The following CDYL2 variants were observed in gnomAD, a reference collection of about 807,000 sequenced individuals.
CDYL2 encodes chromodomain Y like 2, also known as chromodomain Y-like protein 2.
CDYL2 carries 23 observed loss-of-function variants against 49.4 expected under a neutral mutation model. The ratio of observed to expected loss-of-function variants is 0.47; its 90% CI spans 0.34 to 0.66. The LOEUF (loss-of-function observed/expected upper bound fraction) is 0.66. Ranked by LOEUF, CDYL2 falls within the 30% of genes least tolerant of loss-of-function variation. The pLI is 0.01. For missense variants in CDYL2, 678 were observed against 656.4 expected, an observed-to-expected ratio of 1.03 and a Z score of -0.36; for synonymous variants, 360 against 268.8, an observed-to-expected ratio of 1.34 and a Z score of -3.32.
Position 80,678,686 on chromosome 16 carries a change from T to C in CDYL2, c.616+5852A>G, listed in dbSNP as rs1909852481. Among the ~76,000 whole-genome samples, 10 of 149,454 alleles carry C rather than the reference T, an allele frequency of 6.7e-5. No homozygotes were observed. The South Asian group carries it at 2.2e-3, about 32-fold the overall frequency. ...GTGGGACTGTAAAGTAGTTCAACCA[T>C]TGTGGAAGTCAGTGTGGCGATTCCT... On this transcript the variant is annotated intron_variant, in intron 2 of 6. Transcript: ENST00000570137.
At chr16:80,699,941 C>A (rs538746469) in intron 1 of CDYL2, among the ~76,000 whole-genome samples, 2 of 151,830 alleles carry the variant, frequency 1.3e-5, no homozygotes, top group African/African-American at 4.8e-5. Flanking sequence ...GATCTCCGCT[C>A]ACCGCAAGCC....
At chr16:80,769,275 G>C (rs1288576994) in intron 1 of CDYL2, among the ~76,000 whole-genome samples, 3 of 152,152 alleles carry the variant, frequency 2.0e-5, no homozygotes, top group Non-Finnish European at 4.4e-5. Flanking sequence ...TGAGAGGATG[G>C]CTCAAAAGGC....
chr16:80,617,717 G>C (rs895610482), intron 4 of CDYL2, among the ~76,000 whole-genome samples: 2 of 152,082 alleles, frequency 1.3e-5, no homozygotes, highest in Admixed American at 6.5e-5. Flanking sequence ...ATCCATCTTC[G>C]CTCATCGTCC....
chr16:80,797,427 G>T (rs574917385), intron 1 of CDYL2, among the ~76,000 whole-genome samples: 1 of 152,326 alleles, frequency 6.6e-6, no homozygotes, highest in African/African-American at 2.4e-5. Context: ...GGAAACTGCA[G>T]CTGAAAATTA....
chr16:80,745,702 G>T (rs1905904813), intron 1 of CDYL2, among the ~76,000 whole-genome samples: 1 of 152,148 alleles, frequency 6.6e-6, no homozygotes, highest in African/African-American at 2.4e-5. Flanking sequence ...GGTGATTTCT[G>T]CCCTAGATTT....
intron 1 of CDYL2, among the ~76,000 whole-genome samples, chr16:80,708,029 G>C (rs76158528): frequency 0.035 from 5,333 of 152,274 alleles, 124 homozygotes; most frequent in East Asian, 0.097. Context: ...ACACTCTTTA[G>C]GGGTGGGGCA....
At chr16:80,760,220 C>T (rs185079781) in intron 1 of CDYL2, among the ~76,000 whole-genome samples, 2 of 152,286 alleles carry the variant, frequency 1.3e-5, no homozygotes, top group East Asian at 1.9e-4. Flanking sequence ...AGTTTAACTG[C>T]ACCAGCAACT....
At position 80,612,945 on chromosome 16, in the gene CDYL2, G is replaced by T. The variant is rs906797746; in HGVS notation, c.1008-109C>A. 2.0e-5 allele frequency: 20 copies of T among 1,005,358 alleles called. No homozygotes were observed. The highest frequency in any genetic ancestry group is 2.8e-5 in the Non-Finnish European group (20 of 702,774). The allele number at this position is 1,005,358 out of a possible 1,614,324, so 62.3% of individuals were successfully genotyped here. A position where few individuals can be genotyped will look rare whatever the true frequency, so the allele number is the denominator to read the frequency against. On this transcript the variant is annotated intron_variant, in intron 4 of 6. Transcript: ENST00000570137. This position sits in a 1 kb window ranked among gnomAD's most constrained non-coding sequence, Gnocchi z 5.0. Reference sequence around the variant, plus strand: ...GAGGAGCACCCTCAGGTCGTCAGAGGTTAGAGGTGCCAGGCAAGGGCCTCA... The same window carrying T: ...GAGGAGCACCCTCAGGTCGTCAGAGTTTAGAGGTGCCAGGCAAGGGCCTCA...
At chr16:80,719,013 C>T (rs950899798) in intron 1 of CDYL2, among the ~76,000 whole-genome samples, 12 of 152,272 alleles carry the variant, frequency 7.9e-5, no homozygotes, top group African/African-American at 2.6e-4. Flanking sequence ...CTGGGCTTGA[C>T]GACTTAACGC....
intron 2 of CDYL2, among the ~76,000 whole-genome samples, chr16:80,658,065 A>G (rs1185361450): frequency 1.3e-5 from 2 of 150,522 alleles, no homozygotes; most frequent in African/African-American, 4.9e-5. Context: ...TTTAAATGTA[A>G]AAAAAAAAGA....
intron 1 of CDYL2, among the ~76,000 whole-genome samples, chr16:80,697,751 T>C (rs564395572): frequency 2.0e-5 from 3 of 152,068 alleles, no homozygotes; most frequent in Non-Finnish European, 4.4e-5. Context: ...AAAAGTCACA[T>C]TTCTATACAA....
At chr16:80,637,825 G>C (rs1052799605) in intron 2 of CDYL2, among the ~76,000 whole-genome samples, 17 of 152,170 alleles carry the variant, frequency 1.1e-4, no homozygotes, top group African/African-American at 4.1e-4. Context: ...TGATTACCCT[G>C]ATTTGATCAT....
intron 2 of CDYL2, among the ~76,000 whole-genome samples, chr16:80,675,094 G>A (rs1358138561): frequency 6.6e-6 from 1 of 152,206 alleles, no homozygotes; most frequent in African/African-American, 2.4e-5. Context: ...CAGCATCTCT[G>A]ATACTACTGA....
rs191216339 is a variant in CDYL2 at position 80,598,093 on chromosome 16, C to T, written c.*6295G>A. 7.9e-5 allele frequency: 12 copies of T among 152,262 alleles called. No individual in the cohort carries two copies. The East Asian group carries it at 2.3e-3, about 29-fold the overall frequency. The allele number at this position is 152,262 out of a possible 1,614,324, so 9.4% of individuals were successfully genotyped here. On this transcript the variant is annotated 3_prime_UTR_variant, in exon 7 of 7. Transcript: ENST00000570137. ...TTGATAAATCAGAAGATTATTATCC[C>T]TCAGTACTGCACCCAGTCTCAGTAA... is the stretch of plus-strand genomic sequence containing the variant.
In CDYL2 at chr16:80,612,877, C is replaced by G; in HGVS notation, c.1008-41G>C. 2.0e-6 allele frequency: 3 copies of G among 1,529,386 alleles called. No individual in the cohort carries two copies. Among genetic ancestry groups the G allele is most frequent in the East Asian group, 2.3e-5 (1 of 43,432 alleles). 94.7% of individuals were successfully genotyped at this position (1,529,386 alleles called of 1,614,324 possible). On this transcript the variant is annotated intron_variant, in intron 4 of 6. Transcript: ENST00000570137. The surrounding 1 kb of genome is among the most constrained non-coding windows in gnomAD (Gnocchi z 5.0). The stretch of plus-strand genomic sequence containing the variant: ...GATCCTCTTGAACAGGTGACTATAG[C>G]ATGCTAAGCCCCACTGGAACCCTTG...
chr16:80,677,814 G>C, intron 2 of CDYL2, among the ~76,000 whole-genome samples: 1 of 151,686 alleles, frequency 6.6e-6, no homozygotes, highest in Non-Finnish European at 1.5e-5. Context: ...TCAATCCTAA[G>C]CCAAAAGAAC....
intron 1 of CDYL2, among the ~76,000 whole-genome samples, chr16:80,748,533 A>C (rs1237604663): frequency 6.9e-6 from 1 of 144,662 alleles, no homozygotes; most frequent in African/African-American, 2.6e-5. Flanking sequence ...AAAAAAAAAA[A>C]AAAAAAACTC....
At chr16:80,630,643 G>C (rs74028346) in intron 3 of CDYL2, among the ~76,000 whole-genome samples, 3,046 of 152,152 alleles carry the variant, frequency 0.02, 121 homozygotes, top group African/African-American at 0.071. Context: ...TTCTGTTACA[G>C]GCGGAGGATG....
At chr16:80,692,633 A>G (rs1910462539) in intron 1 of CDYL2, among the ~76,000 whole-genome samples, 7 of 152,256 alleles carry the variant, frequency 4.6e-5, no homozygotes, top group Admixed American at 4.6e-4. Flanking sequence ...GACAAATTGA[A>G]AGCAAATATT....
Sources: gnomAD v4.1 joint callset for allele counts (sites outside exome capture counted in the v4.1 genomes callset) on GRCh38, gnomAD v4.1.1 for gene constraint, Gnocchi (gnomAD v3.1) non-coding constraint, MANE v1.5 for transcripts, NCBI Gene and HGNC (gene_info 2026-07-23, HGNC 2026-07-21) for gene names.